LGSN: variants seen among roughly 807,000 people sequenced by gnomAD.
LGSN encodes lengsin, lens protein with glutamine synthetase domain.
LGSN carries 21 observed loss-of-function variants against 19.5 expected under a neutral mutation model. That is an observed-to-expected ratio of 1.07 (90% CI 0.76 to 1.55). The LOEUF (loss-of-function observed/expected upper bound fraction) is 1.55. LGSN is among the 40% of genes most tolerant of loss of function. The pLI is 0.00. For missense variants in LGSN, 673 were observed against 608.5 expected (o/e 1.11, Z -1.12); for synonymous variants, 257 against 215.6 (o/e 1.19, Z -1.68).
chr6:63,432,168 A>AGG, the LGSN span, among the ~76,000 whole-genome samples: 566 of 100,574 alleles, frequency 5.6e-3, 23 homozygotes, highest in East Asian at 0.013. Flanking sequence ...AAAGAAAGAA[A>AGG]GAAAAGGAAA....
At chr6:63,432,421 G>C in the LGSN span, among the ~76,000 whole-genome samples, 1 of 152,158 alleles carries the variant, frequency 6.6e-6, no homozygotes, top group African/African-American at 2.4e-5. Flanking sequence ...GCTGAGCGTG[G>C]TGGCTCATGC....
At chr6:63,544,260 AT>A in the LGSN span, among the ~76,000 whole-genome samples, 1 of 152,238 alleles carries the variant, frequency 6.6e-6, no homozygotes, top group East Asian at 1.9e-4. Context: ...ATTCCTGCCT[AT>A]TTTCACTCAG....
At chr6:63,498,253 C>G in the LGSN span, among the ~76,000 whole-genome samples, 1 of 151,974 alleles carries the variant, frequency 6.6e-6, no homozygotes, top group Admixed American at 6.6e-5. Context: ...AAAACACAGA[C>G]TGAAAGTTTT....
At chr6:63,411,474 C>A in the LGSN span, among the ~76,000 whole-genome samples, 3 of 152,086 alleles carry the variant, frequency 2.0e-5, no homozygotes, top group Non-Finnish European at 4.4e-5. Flanking sequence ...ATCTATAGTT[C>A]TATTGCGCTG....
At chr6:63,465,273 C>T in the LGSN span, among the ~76,000 whole-genome samples, 243 of 152,130 alleles carry the variant, frequency 1.6e-3, 1 homozygote, top group African/African-American at 5.3e-3. Flanking sequence ...CTCCACCTCC[C>T]GGGTTCAAGT....
the LGSN span, among the ~76,000 whole-genome samples, chr6:63,451,557 T>A: frequency 6.6e-6 from 1 of 151,796 alleles, no homozygotes; most frequent in Non-Finnish European, 1.5e-5. Flanking sequence ...TGAGAACACA[T>A]GGAAACACAG....
At chr6:63,529,592 TTTTA>T in the LGSN span, among the ~76,000 whole-genome samples, 1 of 152,172 alleles carries the variant, frequency 6.6e-6, no homozygotes, top group Non-Finnish European at 1.5e-5. Flanking sequence ...GGGCTTAAAC[TTTTA>T]AGAAATTGCT....
the LGSN span, among the ~76,000 whole-genome samples, chr6:63,458,229 G>A: frequency 0.068 from 10,301 of 151,900 alleles, 1,083 homozygotes; most frequent in African/African-American, 0.22. Context: ...CCCCACGCCC[G>A]GCTAATTTTG....
the LGSN span, among the ~76,000 whole-genome samples, chr6:63,376,048 T>A: frequency 6.6e-6 from 1 of 152,142 alleles, no homozygotes; most frequent in East Asian, 1.9e-4. Flanking sequence ...ACCCAAGCAG[T>A]CCAAACCCGT....
chr6:63,317,592 C>A (rs1248120313), intron 1 of LGSN, among the ~76,000 whole-genome samples: 5 of 152,048 alleles, frequency 3.3e-5, no homozygotes, highest in African/African-American at 9.7e-5. Context: ...TTCTCAGAGA[C>A]AAAACAAATG....
At chr6:63,440,102 A>T in the LGSN span, among the ~76,000 whole-genome samples, 1 of 152,302 alleles carries the variant, frequency 6.6e-6, no homozygotes, top group Non-Finnish European at 1.5e-5. Flanking sequence ...TTCAGATTCT[A>T]CTTGTAAGTT....
chr6:63,440,432 C>G, the LGSN span, among the ~76,000 whole-genome samples: 1 of 152,024 alleles, frequency 6.6e-6, no homozygotes, highest in Non-Finnish European at 1.5e-5. Flanking sequence ...TCCTTTTTTT[C>G]TCTTCACCGA....
chr6:63,549,421 G>C, the LGSN span: 1 of 751,000 alleles, frequency 1.3e-6, no homozygotes, highest in Non-Finnish European at 2.4e-6. Context: ...CTCAAACAGG[G>C]GATTCACCAC....
chr6:63,524,697 C>G, the LGSN span, among the ~76,000 whole-genome samples: 1 of 152,008 alleles, frequency 6.6e-6, no homozygotes, highest in Non-Finnish European at 1.5e-5. Context: ...AGTGTTATTT[C>G]TTTTCTTTTC....
chr6:63,490,542 A>G, the LGSN span, among the ~76,000 whole-genome samples: 1 of 152,054 alleles, frequency 6.6e-6, no homozygotes, highest in Non-Finnish European at 1.5e-5. Context: ...CAGATCCAAA[A>G]GGTATCTATT....
chr6:63,363,438 G>T, the LGSN span, among the ~76,000 whole-genome samples: 4 of 152,140 alleles, frequency 2.6e-5, no homozygotes, highest in Non-Finnish European at 5.9e-5. Flanking sequence ...TCGCAAAGAA[G>T]ATAAAAACCT....
At chr6:63,569,214 C>T in the LGSN span, among the ~76,000 whole-genome samples, 1 of 152,176 alleles carries the variant, frequency 6.6e-6, no homozygotes, top group South Asian at 2.1e-4. Flanking sequence ...TTCCTCTGCA[C>T]TCTTGCCTTC....
At chr6:63,312,469 A>G (rs141012052) in intron 1 of LGSN, among the ~76,000 whole-genome samples, 1 of 152,336 alleles carries the variant, frequency 6.6e-6, no homozygotes, top group African/African-American at 2.4e-5. Context: ...TAAATTATAT[A>G]GTATCCCTTT....
chr6:63,384,658 CAGG>C, the LGSN span, among the ~76,000 whole-genome samples: 5 of 152,070 alleles, frequency 3.3e-5, no homozygotes, highest in Non-Finnish European at 7.4e-5. Context: ...GCTGGGTTTA[CAGG>C]TATGCACTAC....
Sources: gnomAD v4.1 joint callset for allele counts (sites outside exome capture counted in the v4.1 genomes callset) on GRCh38, gnomAD v4.1.1 for gene constraint, MANE v1.5 for transcripts, NCBI Gene and HGNC (gene_info 2026-07-23, HGNC 2026-07-21) for gene names.